Variants in MTA1 observed in about 807,000 individuals in gnomAD.
MTA1 encodes the protein metastasis-associated protein MTA1.
MTA1 carries 15 observed loss-of-function variants against 97.0 expected under a neutral mutation model. That is an observed-to-expected ratio of 0.15 (90% CI 0.10 to 0.24). The LOEUF (loss-of-function observed/expected upper bound fraction) is 0.24, where lower values mean the gene tolerates loss of function less well. Among genes scored for constraint, MTA1 ranks in the 10% least tolerant of loss-of-function variants. MTA1 has a pLI of 1.00. For synonymous variants in MTA1, 435 were observed against 417.5 expected (o/e 1.04, Z -0.51); for missense variants, 709 against 1,015.1 (o/e 0.70, Z 4.10).
intron 2 of MTA1, among the ~76,000 whole-genome samples, chr14:105,440,458 G>A (rs1555425366): frequency 1.3e-5 from 2 of 152,228 alleles, no homozygotes. Flanking sequence ...TGGGCGCCTG[G>A]CCGAGTGCCA....
intron 1 of MTA1, 103 bp from the exon 2 acceptor site, chr14:105,438,569 A>G: frequency 1.0e-6 from 1 of 959,554 alleles, no homozygotes; most frequent in Non-Finnish European, 1.7e-6. Flanking sequence ...AGGTGAGGGG[A>G]TGACACTGCC....
chr14:105,462,518 C>T (rs189941149), intron 10 of MTA1, among the ~76,000 whole-genome samples: 5 of 151,236 alleles, frequency 3.3e-5, no homozygotes, highest in East Asian at 1.9e-4. Context: ...TGCTGTGAGC[C>T]GAGATCGCAC....
chr14:105,448,527 T>A (rs2082797266), intron 3 of MTA1, among the ~76,000 whole-genome samples: 1 of 152,174 alleles, frequency 6.6e-6, no homozygotes, highest in Admixed American at 6.5e-5. Context: ...GCCCTGGTGA[T>A]GTCTGAGTTC....
Position 105,469,947 on chromosome 14 carries a change from T to G in MTA1, c.1952T>G (p.Ile651Ser), listed in dbSNP as rs1397281789. The change falls in exon 20 of 21, where the codon ATC (isoleucine) becomes AGC (serine). Residue 651 changes from isoleucine to serine, a missense_variant. Ile to Ser is a moderately radical substitution (Grantham distance 142, BLOSUM62 -2). Coordinates refer to ENST00000331320, the MANE Select transcript of MTA1 (RefSeq NM_004689.4). ...GTCAAGCGGCGGCGGATGAACTGGATCGACGCCCCGGATGACGTGTTCTAC... is the reference window on the plus strand; with the variant it reads ...GTCAAGCGGCGGCGGATGAACTGGAGCGACGCCCCGGATGACGTGTTCTAC... ...PPVKRRRMNW[I>S]DAPDDVFYMA... 1 of 1,612,416 alleles carries G rather than the reference T, an allele frequency of 6.2e-7. No homozygotes were observed. The highest frequency in any genetic ancestry group is 8.5e-7 in the Non-Finnish European group (1 of 1,179,812).
rs1251376512 is a variant in MTA1, at chr14:105,445,619, C to A, written c.190+108C>A. On this transcript the variant is annotated intron_variant, in intron 3 of 20. Transcript: ENST00000331320. ...CATCGGCATCCTGGCCTCGTGGGGC[C>A]ACCCTCTGCCCAACTCACTCTGGCG... 10 of 1,110,512 alleles carry A rather than the reference C, an allele frequency of 9.0e-6. 1 individual carries two copies. In the Middle Eastern group the frequency reaches 5.8e-4, roughly 65 times the overall value. 68.8% of individuals were successfully genotyped at this position (1,110,512 alleles called of 1,614,324 possible). A position where few individuals can be genotyped will look rare whatever the true frequency, so the allele number is the denominator to read the frequency against.
intron 1 of MTA1, among the ~76,000 whole-genome samples, chr14:105,421,895 A>G (rs2081849348): frequency 6.6e-6 from 1 of 152,076 alleles, no homozygotes. Flanking sequence ...GGCCTCACTG[A>G]CCCACGCACT....
At chr14:105,462,886 A>T (rs1249093687) in intron 10 of MTA1, among the ~76,000 whole-genome samples, 1 of 152,200 alleles carries the variant, frequency 6.6e-6, no homozygotes, top group Non-Finnish European at 1.5e-5. Context: ...AACAAAAAAA[A>T]GGCTGAGATG....
At chr14:105,421,162 C>T (rs1224359147) in intron 1 of MTA1, among the ~76,000 whole-genome samples, 1 of 152,190 alleles carries the variant, frequency 6.6e-6, no homozygotes, top group Non-Finnish European at 1.5e-5. Context: ...CAGTCCGCAT[C>T]AGCAGCTCTG....
At chr14:105,423,280 C>T (rs1451309606) in intron 1 of MTA1, among the ~76,000 whole-genome samples, 5 of 135,002 alleles carry the variant, frequency 3.7e-5, no homozygotes, top group Middle Eastern at 4.5e-3. Flanking sequence ...AGTGCAGAGG[C>T]GCGATTTCGG....
At position 105,422,487 on chromosome 14, in the gene MTA1, T is replaced by G. The variant is rs1211358190; in HGVS notation, c.28+2424T>G. 6.6e-6 allele frequency among the ~76,000 whole-genome samples: 1 copy of G among 152,138 alleles called. No homozygotes were observed. Among genetic ancestry groups the G allele is most frequent in the Non-Finnish European group, 1.5e-5 (1 of 68,022 alleles). On this transcript the variant is annotated intron_variant, in intron 1 of 20. Coordinates refer to ENST00000331320, the MANE Select transcript of MTA1 (RefSeq NM_004689.4). The surrounding 1 kb of genome is among the most constrained non-coding windows in gnomAD (Gnocchi z 4.3). ...GGGAGATGCCGGCAGGGACCCAGCC[T>G]GGGAAGGGGCTTGCTCCTGTGCCCC...
chr14:105,470,303 G>C lies in MTA1; in HGVS notation c.*88G>C, dbSNP rs2083788341. 4.2e-6 allele frequency: 5 copies of C among 1,189,436 alleles called. No individual in the cohort carries two copies. The highest frequency in any genetic ancestry group is 1.7e-5 in the African/African-American group (1 of 60,262). The allele number at this position is 1,189,436 out of a possible 1,614,324, so 73.7% of individuals were successfully genotyped here. ...AGCCCGCCGCCCGCCCCTCAGTTTG[G>C]TAGTGCCCCACCTCCCGCCCTCACC... On this transcript the variant is annotated 3_prime_UTR_variant, in exon 21 of 21. Transcript: ENST00000331320.
At chr14:105,444,332 A>G (rs587636452) in intron 2 of MTA1, among the ~76,000 whole-genome samples, 71 of 151,898 alleles carry the variant, frequency 4.7e-4, no homozygotes, top group African/African-American at 1.6e-3. Context: ...CCGAGATTGC[A>G]CCACTGCACT....
chr14:105,436,944 G>A (rs1238338247), intron 1 of MTA1, among the ~76,000 whole-genome samples: 2 of 152,250 alleles, frequency 1.3e-5, no homozygotes, highest in Non-Finnish European at 2.9e-5. Flanking sequence ...GAACACTCCT[G>A]TAGCCGTGAC....
At chr14:105,426,071 T>C (rs1555422170) in intron 1 of MTA1, among the ~76,000 whole-genome samples, 4 of 151,828 alleles carry the variant, frequency 2.6e-5, no homozygotes, top group Non-Finnish European at 5.9e-5. Context: ...GGAGCTCGAG[T>C]GCCCGCCTGC....
In MTA1 at chr14:105,451,698, C is replaced by T. The variant is rs375016623; in HGVS notation, c.432+1374C>T. Among the ~76,000 whole-genome samples the T allele has an allele frequency of 2.3e-4, 35 of 152,124 alleles. No individual in the cohort carries two copies. In the South Asian group the frequency reaches 6.8e-3, roughly 30 times the overall value. On this transcript the variant is annotated intron_variant, in intron 6 of 20. Transcript: ENST00000331320. Reference sequence around the variant, plus strand: ...CAGAAACGGCCGGGTCCATGCTTGCCGGGGACAAAACAGGCTGCTCAGGCA... The same window carrying T: ...CAGAAACGGCCGGGTCCATGCTTGCTGGGGACAAAACAGGCTGCTCAGGCA...
intron 16 of MTA1, chr14:105,465,873 G>A (rs1183926084): frequency 1.8e-4 from 28 of 156,962 alleles, no homozygotes; most frequent in Admixed American, 1.6e-3. Context: ...GTCCTGAGAA[G>A]GACATTCCAG....
chr14:105,464,233 C>T lies in MTA1; in HGVS notation c.1192+86C>T. On this transcript the variant is annotated intron_variant, in intron 13 of 20. Transcript: ENST00000331320. ...GTTGGCCCTGAGGGCTCCAGCATGG[C>T]CCAGCCTGCAAGGGGCCCACTGACG... is the stretch of plus-strand genomic sequence containing the variant. The T allele has an allele frequency of 2.7e-6, 4 of 1,472,984 alleles. No homozygotes were observed. In the South Asian group the frequency reaches 3.7e-5, roughly 14 times the overall value. The allele number at this position is 1,472,984 out of a possible 1,614,324, so 91.2% of individuals were successfully genotyped here. A position where few individuals can be genotyped will look rare whatever the true frequency, so the allele number is the denominator to read the frequency against.
At chr14:105,465,260 TC>T in intron 16 of MTA1, 77 bp downstream of exon 16, 1 of 1,271,244 alleles carries the variant, frequency 7.9e-7, no homozygotes, top group Non-Finnish European at 1.1e-6. Flanking sequence ...GCACTGGTGC[TC>T]CCAGCCTTCT....
chr14:105,448,683 C>T (rs1237014074), intron 3 of MTA1, among the ~76,000 whole-genome samples: 1 of 144,512 alleles, frequency 6.9e-6, no homozygotes, highest in East Asian at 2.1e-4. Context: ...ACACCCCAGG[C>T]TTTTGAGGCC....
Sources: gnomAD v4.1 joint callset for allele counts (sites outside exome capture counted in the v4.1 genomes callset) on GRCh38, gnomAD v4.1.1 for gene constraint, Gnocchi (gnomAD v3.1) non-coding constraint, MANE v1.5 for transcripts, NCBI Gene and HGNC (gene_info 2026-07-23, HGNC 2026-07-21) for gene names.